SPRED2: variants seen among roughly 807,000 people sequenced by gnomAD.
SPRED2 encodes sprouty related EVH1 domain containing 2, also known as sprouty-related, EVH1 domain-containing protein 2.
Under a neutral mutation model 43.0 loss-of-function variants are expected in SPRED2, and 47 were observed. The observed-to-expected ratio is 1.09, with a 90% CI of 0.87 to 1.40. The LOEUF (loss-of-function observed/expected upper bound fraction) is 1.40. SPRED2 is among the 40% of genes most tolerant of loss of function. The pLI is 0.00. For synonymous variants in SPRED2, 225 were observed against 225.7 expected, an observed-to-expected ratio of 1.00 and a Z score of 0.03; for missense variants, 561 against 586.4, an observed-to-expected ratio of 0.96 and a Z score of 0.45.
At chr2:65,362,056 A>G (rs1419935060) in intron 1 of SPRED2, among the ~76,000 whole-genome samples, 1 of 152,230 alleles carries the variant, frequency 6.6e-6, no homozygotes, top group Non-Finnish European at 1.5e-5. Context: ...GAATGAAGTC[A>G]TCTCTTCGAT....
At chr2:65,327,880 T>C (rs372241251) in intron 4 of SPRED2, among the ~76,000 whole-genome samples, 61 of 152,022 alleles carry the variant, frequency 4.0e-4, no homozygotes, top group South Asian at 2.9e-3. Flanking sequence ...CCCGCCATCA[T>C]GCCTGGCTAA....
At chr2:65,407,195 G>A (rs2103747341) in intron 1 of SPRED2, among the ~76,000 whole-genome samples, 1 of 151,496 alleles carries the variant, frequency 6.6e-6, no homozygotes, top group South Asian at 2.1e-4. Context: ...CCAAAGTGCT[G>A]GAATTACAGG....
intron 1 of SPRED2, among the ~76,000 whole-genome samples, chr2:65,414,943 ACT>A (rs1348861233): frequency 1.3e-5 from 2 of 151,680 alleles, no homozygotes; most frequent in South Asian, 4.2e-4. Context: ...TCATTAGTTG[ACT>A]CTATCCCGTT....
chr2:65,341,154 G>A (rs1266655178), intron 2 of SPRED2, among the ~76,000 whole-genome samples: 1 of 151,818 alleles, frequency 6.6e-6, no homozygotes, highest in Non-Finnish European at 1.5e-5. Flanking sequence ...TGCTGGGTAT[G>A]GGTGTGAGGG....
rs533348141 is a variant in SPRED2, at chr2:65,312,007, G to A, written c.*1494C>T. Reference sequence around the variant, plus strand: ...GATCGTGGCGGGAAGAACAGCCGGCGTCCGCAAGCCTGTCCCCGGTGGTCT... The same window carrying A: ...GATCGTGGCGGGAAGAACAGCCGGCATCCGCAAGCCTGTCCCCGGTGGTCT... On this transcript the variant is annotated 3_prime_UTR_variant, in exon 6 of 6. Coordinates refer to ENST00000356388, the MANE Select transcript of SPRED2 (RefSeq NM_181784.3). 303 of 985,254 alleles carry A rather than the reference G, an allele frequency of 3.1e-4. 3 individuals carry two copies. The African/African-American group carries it at 4.9e-3, about 16-fold the overall frequency. The allele number at this position is 985,254 out of a possible 1,614,324, so 61.0% of individuals were successfully genotyped here.
intron 4 of SPRED2, among the ~76,000 whole-genome samples, chr2:65,325,026 C>T (rs969706255): frequency 6.6e-6 from 1 of 152,158 alleles, no homozygotes; most frequent in Non-Finnish European, 1.5e-5. Context: ...CTCAAGGACA[C>T]TTGGAATTAT....
downstream of SPRED2, among the ~76,000 whole-genome samples, chr2:65,307,577 AG>A (rs1234218758): frequency 8.1e-5 from 12 of 149,018 alleles, no homozygotes; most frequent in Non-Finnish European, 1.8e-4. Context: ...AGACATAATG[AG>A]GGGGAAAGGG....
chr2:65,403,081 A>G (rs946877827), intron 1 of SPRED2, among the ~76,000 whole-genome samples: 7 of 152,256 alleles, frequency 4.6e-5, no homozygotes, highest in African/African-American at 1.4e-4. Context: ...CCAGCCAAAT[A>G]CAAAGCTTCA....
intron 2 of SPRED2, among the ~76,000 whole-genome samples, chr2:65,335,424 T>C (rs1488314662): frequency 1.3e-5 from 2 of 152,252 alleles, no homozygotes; most frequent in African/African-American, 4.8e-5. Flanking sequence ...TTCTAGCAAT[T>C]TAATCTCAGA....
chr2:65,312,986 G>C lies in SPRED2; in HGVS notation c.*515C>G. 1 of 985,918 alleles carries C rather than the reference G, an allele frequency of 1.0e-6. No individual in the cohort carries two copies. The highest frequency in any genetic ancestry group is 1.2e-6 in the Non-Finnish European group (1 of 830,226). The allele number at this position is 985,918 out of a possible 1,614,324, so 61.1% of individuals were successfully genotyped here. On this transcript the variant is annotated 3_prime_UTR_variant, in exon 6 of 6. Coordinates refer to ENST00000356388, the MANE Select transcript of SPRED2 (RefSeq NM_181784.3). ...TACATAATAACTGACTGCAGGCTGAGATACTTCTGTCGGGTTTCATCATTC... is the reference window on the plus strand; with the variant it reads ...TACATAATAACTGACTGCAGGCTGACATACTTCTGTCGGGTTTCATCATTC...
At chr2:65,378,300 T>C (rs1383435682) in intron 1 of SPRED2, among the ~76,000 whole-genome samples, 1 of 152,260 alleles carries the variant, frequency 6.6e-6, no homozygotes, top group Non-Finnish European at 1.5e-5. Flanking sequence ...AAAGAACTAC[T>C]GTTAATTTTC....
intron 1 of SPRED2, among the ~76,000 whole-genome samples, chr2:65,377,343 T>C (rs1380734543): frequency 6.6e-6 from 1 of 152,164 alleles, no homozygotes; most frequent in Admixed American, 6.5e-5. Flanking sequence ...AAACCAAATT[T>C]AGATTTGTTG....
At chr2:65,409,691 CAAAAAAAAAAAAA>C (rs59225849) in intron 1 of SPRED2, among the ~76,000 whole-genome samples, 1 of 90,228 alleles carries the variant, frequency 1.1e-5, no homozygotes, top group Non-Finnish European at 2.1e-5. Context: ...CAGTTTCCTG[CAAAAAAAAAAAAA>C]AAAAAAAAAG....
At chr2:65,354,113 A>G (rs983567196) in intron 1 of SPRED2, among the ~76,000 whole-genome samples, 1 of 152,232 alleles carries the variant, frequency 6.6e-6, no homozygotes, top group Admixed American at 6.5e-5. Context: ...GGAGCCTTTG[A>G]GGAAGTAGTT....
chr2:65,391,900 T>C (rs972364413), intron 1 of SPRED2, among the ~76,000 whole-genome samples: 4 of 152,232 alleles, frequency 2.6e-5, no homozygotes, highest in Admixed American at 1.3e-4. Flanking sequence ...ATTGCATTAG[T>C]TGAAATTTGT....
In SPRED2 at chr2:65,313,404, C is replaced by G. The variant is rs1381843729; in HGVS notation, c.*97G>C. On this transcript the variant is annotated 3_prime_UTR_variant, in exon 6 of 6. Transcript: ENST00000356388. ...GCTGGGAGGCCGCTTGCCCTCCTCG[C>G]TCCTTGGAGTGGAAGGGAGCGGGGG... is the stretch of plus-strand genomic sequence containing the variant. 6.6e-7 allele frequency: 1 copy of G among 1,507,774 alleles called. No homozygotes were observed. The highest frequency in any genetic ancestry group is 8.8e-7 in the Non-Finnish European group (1 of 1,134,682). The allele number at this position is 1,507,774 out of a possible 1,614,324, so 93.4% of individuals were successfully genotyped here. A position where few individuals can be genotyped will look rare whatever the true frequency, so the allele number is the denominator to read the frequency against.
intron 1 of SPRED2, among the ~76,000 whole-genome samples, chr2:65,351,164 A>G (rs972614287): frequency 2.6e-5 from 4 of 152,142 alleles, no homozygotes; most frequent in Non-Finnish European, 5.9e-5. Context: ...GTGGAGGGGC[A>G]GGGAAGCTGT....
At chr2:65,308,269 C>A (rs1002314143), downstream of SPRED2, 5 of 976,794 alleles carry the variant, frequency 5.1e-6, no homozygotes, top group Non-Finnish European at 6.1e-6. Flanking sequence ...TGCCACTGAG[C>A]AGGACCCTGC....
In SPRED2 at chr2:65,401,043, C is replaced by T. The variant is rs374886823; in HGVS notation, c.26+30919G>A. 5.9e-5 allele frequency among the ~76,000 whole-genome samples: 9 copies of T among 152,268 alleles called. 1 individual carries two copies. Among genetic ancestry groups the T allele is most frequent in the African/African-American group, 2.2e-4 (9 of 41,548 alleles). Reference sequence around the variant, plus strand: ...TATGCAGTGGTGTGATCTTGGTTCACTGCAACCTCTGCCTCCCAGGTTCAA... The same window carrying T: ...TATGCAGTGGTGTGATCTTGGTTCATTGCAACCTCTGCCTCCCAGGTTCAA... On this transcript the variant is annotated intron_variant, in intron 1 of 5. Coordinates refer to ENST00000356388, the MANE Select transcript of SPRED2 (RefSeq NM_181784.3).
Sources: gnomAD v4.1 joint callset for allele counts (sites outside exome capture counted in the v4.1 genomes callset) on GRCh38, gnomAD v4.1.1 for gene constraint, MANE v1.5 for transcripts, NCBI Gene and HGNC (gene_info 2026-07-23, HGNC 2026-07-21) for gene names.